Variants in MRPS31 observed in about 807,000 individuals in gnomAD.
MRPS31 encodes mitochondrial ribosomal protein S31.
Under a neutral mutation model 43.1 loss-of-function variants are expected in MRPS31, and 32 were observed. That is an observed-to-expected ratio of 0.74 (90% CI 0.56 to 1.00). The LOEUF is 1.00. Among genes scored for constraint, MRPS31 ranks in the 50% least tolerant of loss-of-function variants. The pLI, the probability that MRPS31 is intolerant of heterozygous loss-of-function variation, is 0.00. For synonymous variants in MRPS31, 165 were observed against 161.6 expected, an observed-to-expected ratio of 1.02 and a Z score of -0.16; for missense variants, 437 against 466.7, an observed-to-expected ratio of 0.94 and a Z score of 0.59.
Position 40,766,836 on chromosome 13 carries a change from G to C in MRPS31, c.350C>G (p.Thr117Arg), listed in dbSNP as rs548881414. Residue 117 changes from threonine to arginine, a missense_variant, in exon 2 of 7, where the codon ACA (threonine) becomes AGA (arginine). Physicochemically the swap from Thr to Arg is moderately conservative, Grantham distance 71. Coordinates refer to ENST00000323563, the MANE Select transcript of MRPS31 (RefSeq NM_005830.4). ...TGGTCTTCTTTTGGGGGGCTTTGTTGTTCGTACATTTACTGTGCTTAATTC... is the reference window on the plus strand; with the variant it reads ...TGGTCTTCTTTTGGGGGGCTTTGTTCTTCGTACATTTACTGTGCTTAATTC... ...KVELSTVNVR[T>R]TKPPKRRPLK... is the part of the protein sequence containing the mutation. The C allele has an allele frequency of 1.2e-6, 2 of 1,614,120 alleles. No homozygotes were observed. The highest frequency in any genetic ancestry group is 1.1e-5 in the South Asian group (1 of 91,084).
rs1300836347 is a variant in MRPS31 at position 40,729,587 on chromosome 13, C to T, written c.973G>A (p.Gly325Ser). The change falls in exon 7 of 7, where the codon GGT (glycine) becomes AGT (serine). Residue 325 changes from glycine to serine, a missense_variant. By Grantham distance (56) the Gly-to-Ser change is moderately conservative (BLOSUM62 0). Transcript: ENST00000323563. ...INNEAGFDDDGSEFHEHIFLE... is the reference protein window; with the variant it reads ...INNEAGFDDDSSEFHEHIFLE... ...AATATATGTTCATGAAATTCTGAAC[C>T]ATCATCATCAAAACCTAGGAAATGA... is the stretch of plus-strand genomic sequence containing the variant. The T allele has an allele frequency of 1.2e-6, 2 of 1,610,242 alleles. No homozygotes were observed. Among genetic ancestry groups the T allele is most frequent in the Non-Finnish European group, 1.7e-6 (2 of 1,176,946 alleles).
Position 40,767,010 on chromosome 13 carries a change from T to C in MRPS31, c.176A>G (p.Tyr59Cys), listed in dbSNP as rs766257255. ...ACAGATCACACTGTTAGTGCCAAAATATCTTTGGATGTTATTTTTTGTCCT... is the reference window on the plus strand; with the variant it reads ...ACAGATCACACTGTTAGTGCCAAAACATCTTTGGATGTTATTTTTTGTCCT... The part of the protein sequence containing the change: ...LARTKNNIQR[Y>C]FGTNSVICSK... The change falls in exon 2 of 7, where the codon TAT becomes TGT. Residue 59 changes from tyrosine to cysteine, a missense_variant. Coordinates refer to ENST00000323563, the MANE Select transcript of MRPS31 (RefSeq NM_005830.4). 3.2e-5 allele frequency: 51 copies of C among 1,607,404 alleles called. No individual in the cohort carries two copies. The highest frequency in any genetic ancestry group is 4.2e-5 in the Non-Finnish European group (49 of 1,178,134).
intron 6 of MRPS31, among the ~76,000 whole-genome samples, chr13:40,733,485 T>A (rs891248675): frequency 2.6e-5 from 4 of 152,122 alleles, no homozygotes; most frequent in African/African-American, 9.7e-5. Context: ...AGTTACTGGA[T>A]TAAAATTATC....
chr13:40,764,970 C>G (rs1880805473), intron 2 of MRPS31, among the ~76,000 whole-genome samples: 1 of 152,116 alleles, frequency 6.6e-6, no homozygotes, highest in Non-Finnish European at 1.5e-5. Flanking sequence ...TTAATACAAA[C>G]AAAGAAAAGC....
At chr13:40,735,242 G>A (rs577839155) in intron 6 of MRPS31, among the ~76,000 whole-genome samples, 7 of 152,268 alleles carry the variant, frequency 4.6e-5, no homozygotes, top group East Asian at 1.9e-4. Context: ...AAAAAACGGC[G>A]CACCAGATTA....
At chr13:40,768,905 A>G (rs1231950847) in intron 1 of MRPS31, among the ~76,000 whole-genome samples, 2 of 152,208 alleles carry the variant, frequency 1.3e-5, no homozygotes, top group African/African-American at 4.8e-5. Flanking sequence ...ACTTTACAGT[A>G]CAAACTGTTG....
chr13:40,729,730 A>AT (rs35753575), intron 6 of MRPS31, 129 bp from the exon 7 acceptor site: 63,591 of 518,308 alleles, frequency 0.12, 527 homozygotes, highest in East Asian at 0.25. Flanking sequence ...CCTAGGTTGC[A>AT]TTTTTTTTTT....
chr13:40,766,843 C>T lies in MRPS31; in HGVS notation c.343G>A (p.Val115Ile). The T allele has an allele frequency of 9.9e-6, 16 of 1,614,120 alleles. No individual in the cohort carries two copies. Among genetic ancestry groups the T allele is most frequent in the Non-Finnish European group, 1.3e-5 (15 of 1,180,012 alleles). The change falls in exon 2 of 7, where the codon GTA becomes ATA. Residue 115 changes from valine (V) to isoleucine (I), a missense_variant. Val to Ile is a conservative substitution (Grantham distance 29). Transcript: ENST00000323563. ...GMKVELSTVN[V>I]RTTKPPKRRP... ...CTTTTGGGGGGCTTTGTTGTTCGTA[C>T]ATTTACTGTGCTTAATTCAACTTTC...
At chr13:40,760,480 A>G (rs1880664630) in intron 2 of MRPS31, among the ~76,000 whole-genome samples, 1 of 152,210 alleles carries the variant, frequency 6.6e-6, no homozygotes, top group African/African-American at 2.4e-5. Flanking sequence ...AAGCTGGGCA[A>G]CAGTAGAAAG....
rs866093100 is a variant in MRPS31, at chr13:40,750,774, T to A, written c.815-1493A>T. ...TATATATATATATATATATATATAT[T>A]ACATATATATGTATCACAATCCCTT... is the stretch of plus-strand genomic sequence containing the variant. On this transcript the variant is annotated intron_variant, in intron 5 of 6. Transcript: ENST00000323563. 7.0e-5 allele frequency among the ~76,000 whole-genome samples: 9 copies of A among 127,976 alleles called. No individual in the cohort carries two copies. In the South Asian group the frequency reaches 7.7e-4, roughly 11 times the overall value. The allele number at this position is 127,976 out of a possible 152,430, so 84.0% of individuals were successfully genotyped here.
chr13:40,739,337 C>G, intron 6 of MRPS31, among the ~76,000 whole-genome samples: 1 of 152,144 alleles, frequency 6.6e-6, no homozygotes, highest in Non-Finnish European at 1.5e-5. Context: ...TAGGAAGAAT[C>G]AATATCGTGA....
chr13:40,730,022 G>A (rs891239443), intron 6 of MRPS31, among the ~76,000 whole-genome samples: 18 of 151,208 alleles, frequency 1.2e-4, no homozygotes, highest in Admixed American at 1.2e-3. Context: ...GAGCCACCAC[G>A]CCTGGCCCGG....
intron 6 of MRPS31, among the ~76,000 whole-genome samples, chr13:40,732,698 A>G (rs9566574): frequency 0.43 from 65,910 of 151,894 alleles, 16,390 homozygotes; most frequent in East Asian, 0.78. Flanking sequence ...TGATCACACC[A>G]CTGCACTCCA....
intron 2 of MRPS31, among the ~76,000 whole-genome samples, chr13:40,761,472 C>T (rs893978836): frequency 1.3e-5 from 2 of 152,102 alleles, no homozygotes; most frequent in South Asian, 2.1e-4. Flanking sequence ...TAGAATCATA[C>T]ATTTCATAAC....
chr13:40,766,572 G>T (rs1318318845), intron 2 of MRPS31, among the ~76,000 whole-genome samples, 174 bp downstream of exon 2: 2 of 152,104 alleles, frequency 1.3e-5, no homozygotes, highest in East Asian at 3.8e-4. Flanking sequence ...TGGGATTACA[G>T]GTGTGAGCCA....
intron 1 of MRPS31, chr13:40,770,694 T>C (rs924318515): frequency 1.5e-5 from 6 of 391,740 alleles, no homozygotes; most frequent in African/African-American, 8.5e-5. Context: ...GGAAAACAAA[T>C]GAGACTATCA....
chr13:40,736,326 G>C (rs1422044817), intron 6 of MRPS31, among the ~76,000 whole-genome samples: 6 of 151,942 alleles, frequency 3.9e-5, no homozygotes, highest in Non-Finnish European at 8.8e-5. Context: ...GAAAGTGATG[G>C]GGAGAATGGA....
chr13:40,744,771 A>G (rs6563845), intron 6 of MRPS31, among the ~76,000 whole-genome samples: 65,859 of 151,794 alleles, frequency 0.43, 16,365 homozygotes, highest in East Asian at 0.78. Context: ...CCGCCATCAC[A>G]CCTGGCTAAT....
At position 40,770,965 on chromosome 13, in the gene MRPS31, G is replaced by A; in HGVS notation, c.152+20C>T. 2 of 1,614,004 alleles carry A rather than the reference G, an allele frequency of 1.2e-6. No homozygotes were observed. The highest frequency in any genetic ancestry group is 1.3e-5 in the African/African-American group (1 of 75,032). ...TCGGAGGATGTACAGGACGGGGCAC[G>A]GGGTTGCCTGAGGACCTACCGGGCC... On this transcript the variant is annotated intron_variant, in intron 1 of 6. Transcript: ENST00000323563.
Sources: gnomAD v4.1 joint callset for allele counts (sites outside exome capture counted in the v4.1 genomes callset) on GRCh38, gnomAD v4.1.1 for gene constraint, MANE v1.5 for transcripts, NCBI Gene and HGNC (gene_info 2026-07-23, HGNC 2026-07-21) for gene names.